Variants in KIF20B observed in about 807,000 individuals in gnomAD.
KIF20B encodes kinesin-like protein KIF20B.
In KIF20B, 188 loss-of-function variants were observed where a neutral mutation model predicts 232.5. The ratio of observed to expected loss-of-function variants is 0.81; its 90% CI spans 0.72 to 0.91. The LOEUF (loss-of-function observed/expected upper bound fraction) is 0.91, where lower values mean the gene tolerates loss of function less well. Among genes scored for constraint, KIF20B ranks in the 40% least tolerant of loss-of-function variants. The pLI, the probability that KIF20B is intolerant of heterozygous loss-of-function variation, is 0.00. For missense variants in KIF20B, 2,154 were observed against 2,055.9 expected (o/e 1.05, Z -0.92); for synonymous variants, 712 against 683.0 (o/e 1.04, Z -0.66).
At position 89,709,352 on chromosome 10, in the gene KIF20B, T is replaced by A; in HGVS notation, c.242T>A (p.Val81Glu). 1.2e-6 allele frequency: 2 copies of A among 1,612,554 alleles called. No individual in the cohort carries two copies. Among genetic ancestry groups the A allele is most frequent in the Non-Finnish European group, 1.7e-6 (2 of 1,179,000 alleles). ...TGGGGGTATGTTTTCTAGGGCTGTG[T>A]GCATATTCTGGATTCACAGACTGTT... Reference protein sequence around the residue: ...SEKELESEGCVHILDSQTVVL... With the variant: ...SEKELESEGCEHILDSQTVVL... Residue 81 changes from valine (V) to glutamate (E), a missense_variant, in exon 4 of 33, where the codon GTG becomes GAG. By Grantham distance (121) the Val-to-Glu change is moderately radical. Coordinates refer to ENST00000371728, the MANE Select transcript of KIF20B (RefSeq NM_001284259.2).
chr10:89,773,822 G>A, intron 32 of KIF20B, 149 bp from the exon 33 acceptor site: 1 of 398,444 alleles, frequency 2.5e-6, no homozygotes, highest in Non-Finnish European at 4.6e-6. Flanking sequence ...TTTTATAGAA[G>A]ATGGCATATC....
At chr10:89,721,192 C>A (rs939288693) in intron 13 of KIF20B, among the ~76,000 whole-genome samples, 7 of 152,170 alleles carry the variant, frequency 4.6e-5, no homozygotes, top group Admixed American at 4.6e-4. Context: ...AGGCTAAATA[C>A]TCTCATTTTA....
At chr10:89,733,123 G>A (rs1203607879) in intron 19 of KIF20B, 67 bp downstream of exon 19, 1 of 1,490,110 alleles carries the variant, frequency 6.7e-7, no homozygotes, top group South Asian at 1.2e-5. Flanking sequence ...AATAGAACAA[G>A]GCAAACAGAG....
chr10:89,731,036 T>A (rs974315137), intron 18 of KIF20B, among the ~76,000 whole-genome samples: 3 of 152,212 alleles, frequency 2.0e-5, no homozygotes, highest in African/African-American at 7.2e-5. Context: ...GTTAAAATTT[T>A]GAGACTTGGG....
chr10:89,774,154 A>G lies in KIF20B; in HGVS notation c.*106A>G, dbSNP rs1259329313. On this transcript the variant is annotated 3_prime_UTR_variant, in exon 33 of 33. Coordinates refer to ENST00000371728, the MANE Select transcript of KIF20B (RefSeq NM_001284259.2). ...TATATTATGCATTAAATCACTCTGC[A>G]TATAGATTGCTGTTTTATACATAGT... 1.8e-6 allele frequency: 1 copy of G among 556,148 alleles called. No individual in the cohort carries two copies. Among genetic ancestry groups the G allele is most frequent in the Non-Finnish European group, 3.0e-6 (1 of 332,138 alleles). 34.5% of individuals were successfully genotyped at this position (556,148 alleles called of 1,614,324 possible). A position where few individuals can be genotyped will look rare whatever the true frequency, so the allele number is the denominator to read the frequency against.
In KIF20B at chr10:89,758,790, G is replaced by A. The variant is rs1396486267; in HGVS notation, c.4588G>A (p.Glu1530Lys). 2 of 1,607,854 alleles carry A rather than the reference G, an allele frequency of 1.2e-6. No homozygotes were observed. The highest frequency in any genetic ancestry group is 4.5e-5 in the East Asian group (2 of 44,412). Residue 1530 changes from glutamate to lysine, a missense_variant, in exon 27 of 33, where the codon GAA (glutamate) becomes AAA (lysine). Coordinates refer to ENST00000371728, the MANE Select transcript of KIF20B (RefSeq NM_001284259.2). ...EERDQLVAAL[E>K]IQLKALISSN... ...ACGAGATCAACTGGTTGCAGCTTTA[G>A]AAATACAGCTAAAAGCACTGATATC...
In KIF20B at chr10:89,743,839, T is replaced by C. The variant is rs943745143; in HGVS notation, c.3947T>C (p.Leu1316Pro). The part of the protein sequence containing the change: ...VSVMRDEDKL[L>P]RIKINELEKK... ...GTAATGCGTGATGAGGATAAATTAC[T>C]GAGGATTAAAATTAATGAACTGGAG... is the stretch of plus-strand genomic sequence containing the variant. Residue 1316 changes from leucine (L) to proline (P), a missense_variant, in exon 22 of 33, where the codon CTG becomes CCG. Coordinates refer to ENST00000371728, the MANE Select transcript of KIF20B (RefSeq NM_001284259.2). The C allele has an allele frequency of 3.2e-5, 49 of 1,543,116 alleles. No individual in the cohort carries two copies. The highest frequency in any genetic ancestry group is 4.2e-5 in the African/African-American group (3 of 72,182).
intron 23 of KIF20B, among the ~76,000 whole-genome samples, chr10:89,746,262 G>A (rs1841908399): frequency 6.6e-6 from 1 of 152,202 alleles, no homozygotes; most frequent in African/African-American, 2.4e-5. Flanking sequence ...AGGACAGAGG[G>A]CTTTCTGTAT....
chr10:89,734,826 G>A lies in KIF20B; in HGVS notation c.2545+1770G>A, dbSNP rs115928572. On this transcript the variant is annotated intron_variant, in intron 19 of 32. Transcript: ENST00000371728. ...TTAAGGAACAATTACATGCAGCAGT[G>A]CTGTCAGTTAAGGGCTTTGTAATGT... Among the ~76,000 whole-genome samples, 482 of 152,288 alleles carry A rather than the reference G, an allele frequency of 3.2e-3. 4 individuals are homozygous for A. Among genetic ancestry groups the A allele is most frequent in the African/African-American group, 0.011 (449 of 41,560 alleles).
At chr10:89,736,696 A>C (rs1000797261) in intron 19 of KIF20B, among the ~76,000 whole-genome samples, 3 of 152,104 alleles carry the variant, frequency 2.0e-5, no homozygotes, top group Admixed American at 2.0e-4. Context: ...TTCTGTACAG[A>C]TTTTCAGGTT....
chr10:89,706,330 T>C (rs981076572), intron 2 of KIF20B, among the ~76,000 whole-genome samples: 20 of 152,302 alleles, frequency 1.3e-4, no homozygotes, highest in African/African-American at 4.8e-4. Context: ...TTCATTAGTG[T>C]TTTGTGAGAA....
In KIF20B at chr10:89,737,861, T is replaced by A. The variant is rs760311235; in HGVS notation, c.3020T>A (p.Leu1007His). 7 of 1,613,386 alleles carry A rather than the reference T, an allele frequency of 4.3e-6. No homozygotes were observed. Among genetic ancestry groups the A allele is most frequent in the Non-Finnish European group, 5.9e-6 (7 of 1,179,568 alleles). Reference protein sequence around the residue: ...SVSQISNIDLLNLRDLSNGSE... With the variant: ...SVSQISNIDLHNLRDLSNGSE... ...TCTCAGATTTCAAACATAGATTTGC[T>A]CAATCTCAGGGATCTGTCAAATGGT... is the stretch of plus-strand genomic sequence containing the variant. Residue 1007 changes from leucine to histidine, a missense_variant, in exon 20 of 33, where the codon CTC becomes CAC. Transcript: ENST00000371728.
Position 89,738,469 on chromosome 10 carries a change from G to T in KIF20B, c.3628G>T (p.Asp1210Tyr). The T allele has an allele frequency of 6.2e-7, 1 of 1,605,240 alleles. No individual in the cohort carries two copies. Among genetic ancestry groups the T allele is most frequent in the Non-Finnish European group, 8.5e-7 (1 of 1,177,078 alleles). ...NLKEFQEHLQ[D>Y]SVKNTKDLNV... ...GAAGGAATTTCAAGAACATCTTCAG[G>T]ATTCTGTCAAAAACACCAAAGATTT... The change falls in exon 20 of 33, where the codon GAT becomes TAT. Residue 1210 changes from aspartate (D) to tyrosine (Y), a missense_variant. Asp to Tyr is a radical substitution (Grantham distance 160, BLOSUM62 -3). Transcript: ENST00000371728.
chr10:89,740,469 T>G (rs931543880), intron 21 of KIF20B, among the ~76,000 whole-genome samples: 8 of 152,158 alleles, frequency 5.3e-5, no homozygotes, highest in Admixed American at 5.2e-4. Context: ...TGTACAATAG[T>G]TCTCATGACT....
chr10:89,720,640 A>G (rs1387860281), intron 13 of KIF20B, among the ~76,000 whole-genome samples: 2 of 152,184 alleles, frequency 1.3e-5, no homozygotes. Flanking sequence ...TCGTCTTGTT[A>G]TTATGATAAA....
chr10:89,769,988 C>T (rs1842434590), intron 31 of KIF20B, among the ~76,000 whole-genome samples: 1 of 152,002 alleles, frequency 6.6e-6, no homozygotes, highest in Admixed American at 6.6e-5. Context: ...CAGACGTTTC[C>T]AAACTTTGTT....
Position 89,762,764 on chromosome 10 carries a change from C to T in KIF20B, c.4918C>T (p.Pro1640Ser), listed in dbSNP as rs757096168. Residue 1640 changes from proline to serine, a missense_variant, in exon 29 of 33, where the codon CCT becomes TCT. Transcript: ENST00000371728. ...GCCAAACAAAATGGCAGTGAAACAC[C>T]CTGGTTGTACCACACCAGTGACAGT... ...LQPNKMAVKHPGCTTPVTVKI... is the reference protein window; with the variant it reads ...LQPNKMAVKHSGCTTPVTVKI... The T allele has an allele frequency of 3.2e-5, 52 of 1,613,286 alleles. No homozygotes were observed. Among genetic ancestry groups the T allele is most frequent in the East Asian group, 4.5e-5 (2 of 44,834 alleles).
rs778083310 is a variant in KIF20B, at chr10:89,768,418, G to A, written c.5091+27G>A. On this transcript the variant is annotated intron_variant, in intron 30 of 32. Transcript: ENST00000371728. ...TGTGTCTTTTAATTTGTCCAAAATT[G>A]TAGCAATTATCCAGAAATCCAGTTG... The A allele has an allele frequency of 2.0e-5, 26 of 1,305,390 alleles. No individual in the cohort carries two copies. In the African/African-American group the frequency reaches 3.8e-4, roughly 19 times the overall value. 80.9% of individuals were successfully genotyped at this position (1,305,390 alleles called of 1,614,324 possible). A position where few individuals can be genotyped will look rare whatever the true frequency, so the allele number is the denominator to read the frequency against.
At chr10:89,767,278 C>T (rs1426242391) in intron 29 of KIF20B, among the ~76,000 whole-genome samples, 1 of 151,242 alleles carries the variant, frequency 6.6e-6, no homozygotes, top group African/African-American at 2.4e-5. Flanking sequence ...GTTTGCTGCA[C>T]CCATCAGTCT....
Sources: gnomAD v4.1 joint callset for allele counts (sites outside exome capture counted in the v4.1 genomes callset) on GRCh38, gnomAD v4.1.1 for gene constraint, MANE v1.5 for transcripts, NCBI Gene and HGNC (gene_info 2026-07-23, HGNC 2026-07-21) for gene names.